SLC25A21: variants seen among roughly 807,000 people sequenced by gnomAD.
SLC25A21 encodes solute carrier family 25 member 21, also known as mitochondrial 2-oxodicarboxylate carrier.
Under a neutral mutation model 43.8 loss-of-function variants are expected in SLC25A21, and 47 were observed. The observed-to-expected ratio is 1.07, with a 90% CI of 0.85 to 1.37. The LOEUF is 1.37. Among genes scored for constraint, SLC25A21 ranks in the 40% most tolerant of loss-of-function variants. SLC25A21 has a pLI of 0.00. For synonymous variants in SLC25A21, 131 were observed against 121.3 expected, an observed-to-expected ratio of 1.08 and a Z score of -0.52; for missense variants, 352 against 350.2, an observed-to-expected ratio of 1.00 and a Z score of -0.04.
rs1257365532 is a variant in SLC25A21 at position 36,803,812 on chromosome 14, C to T, written c.203+10106G>A. Reference sequence around the variant, plus strand: ...CCCATCTGACAATTCATCCAAGGAACGTTGGTTAAATGCCTTATTTCATGT... The same window carrying T: ...CCCATCTGACAATTCATCCAAGGAATGTTGGTTAAATGCCTTATTTCATGT... On this transcript the variant is annotated intron_variant, in intron 3 of 9. Coordinates refer to ENST00000331299, the MANE Select transcript of SLC25A21 (RefSeq NM_030631.4). Among the ~76,000 whole-genome samples, 4 of 152,160 alleles carry T rather than the reference C, an allele frequency of 2.6e-5. No homozygotes were observed. In the East Asian group the frequency reaches 5.8e-4, roughly 22 times the overall value.
intron 3 of SLC25A21, among the ~76,000 whole-genome samples, chr14:36,761,497 T>C (rs57747922): frequency 1.3e-3 from 194 of 152,328 alleles, no homozygotes; most frequent in African/African-American, 4.5e-3. Flanking sequence ...TAAAAATGAT[T>C]TGCAACAATT....
At chr14:36,779,609 C>CATATATATATATATATATAT (rs35392668) in intron 3 of SLC25A21, among the ~76,000 whole-genome samples, 4 of 122,472 alleles carry the variant, frequency 3.3e-5, no homozygotes, top group Non-Finnish European at 5.2e-5. Context: ...TATGTGTATA[C>CATATATATATATATATATAT]ATATATATAT....
intron 1 of SLC25A21, among the ~76,000 whole-genome samples, chr14:37,035,343 T>C (rs749022329): frequency 4.6e-5 from 7 of 152,248 alleles, no homozygotes; most frequent in Non-Finnish European, 1.0e-4. Flanking sequence ...TTTATTATTA[T>C]CAGTTTTAAT....
At chr14:36,705,261 G>A (rs543554182) in intron 7 of SLC25A21, among the ~76,000 whole-genome samples, 5 of 151,820 alleles carry the variant, frequency 3.3e-5, no homozygotes, top group African/African-American at 1.2e-4. Flanking sequence ...TAGTCAGGAT[G>A]GTCTCAATCT....
At chr14:36,794,163 C>T (rs1461923515) in intron 3 of SLC25A21, among the ~76,000 whole-genome samples, 1 of 151,998 alleles carries the variant, frequency 6.6e-6, no homozygotes, top group Non-Finnish European at 1.5e-5. Context: ...ACCATGCAGG[C>T]AATGAACACA....
rs867491064 is a variant in SLC25A21 at position 36,983,571 on chromosome 14, C to T, written c.71-108567G>A. Among the ~76,000 whole-genome samples the T allele has an allele frequency of 3.3e-5, 5 of 152,306 alleles. No homozygotes were observed. In the Middle Eastern group the frequency reaches 0.014, roughly 414 times the overall value. On this transcript the variant is annotated intron_variant, in intron 1 of 9. Coordinates refer to ENST00000331299, the MANE Select transcript of SLC25A21 (RefSeq NM_030631.4). ...AAGTTAGTTCAACCCCTGTAGAAAACAGTATGGAGATTTCTCAAAGTACTA... is the reference window on the plus strand; with the variant it reads ...AAGTTAGTTCAACCCCTGTAGAAAATAGTATGGAGATTTCTCAAAGTACTA...
chr14:37,059,001 T>C (rs1961888455), intron 1 of SLC25A21, among the ~76,000 whole-genome samples: 1 of 152,218 alleles, frequency 6.6e-6, no homozygotes, highest in Admixed American at 6.5e-5. Flanking sequence ...GGAATCCCTT[T>C]TTCTCTGGCT....
rs145499767 is a variant in SLC25A21 at position 37,033,174 on chromosome 14, A to G, written c.70+139107T>C. Among the ~76,000 whole-genome samples, 39 of 152,262 alleles carry G rather than the reference A, an allele frequency of 2.6e-4. No homozygotes were observed. The East Asian group carries it at 3.7e-3, about 14-fold the overall frequency. On this transcript the variant is annotated intron_variant, in intron 1 of 9. Coordinates refer to ENST00000331299, the MANE Select transcript of SLC25A21 (RefSeq NM_030631.4). ...GCAACCACCATTCTACTTTGTTTCT[A>G]TGAATTTTACTACTTTAGATACCTC...
intron 1 of SLC25A21, among the ~76,000 whole-genome samples, chr14:36,974,246 A>G (rs969993190): frequency 1.3e-5 from 2 of 152,210 alleles, no homozygotes; most frequent in African/African-American, 4.8e-5. Flanking sequence ...GTTAACAGAC[A>G]TGCTCCAGCA....
intron 1 of SLC25A21, among the ~76,000 whole-genome samples, chr14:37,128,498 T>C (rs1160908915): frequency 6.6e-6 from 1 of 151,994 alleles, no homozygotes. Context: ...CCCATTATTC[T>C]GCATGTTAAG....
intron 1 of SLC25A21, among the ~76,000 whole-genome samples, chr14:36,987,970 T>C (rs1267299707): frequency 6.6e-6 from 1 of 152,186 alleles, no homozygotes; most frequent in Non-Finnish European, 1.5e-5. Flanking sequence ...TAAAGGGCTT[T>C]TGAATTATGG....
At chr14:36,715,977 G>A (rs1884114762) in intron 6 of SLC25A21, among the ~76,000 whole-genome samples, 2 of 152,096 alleles carry the variant, frequency 1.3e-5, no homozygotes, top group African/African-American at 2.4e-5. Flanking sequence ...TGTAGTCCCA[G>A]CTACTTGGGA....
intron 6 of SLC25A21, 55 bp from the exon 7 acceptor site, chr14:36,711,537 G>A: frequency 1.3e-6 from 2 of 1,539,790 alleles, no homozygotes; most frequent in Admixed American, 2.1e-5. Flanking sequence ...GTGGAATACA[G>A]TAAATTACCG....
intron 7 of SLC25A21, among the ~76,000 whole-genome samples, chr14:36,698,733 TGA>T (rs1883148541): frequency 6.6e-6 from 1 of 152,184 alleles, no homozygotes; most frequent in Non-Finnish European, 1.5e-5. Context: ...GCATGCATCA[TGA>T]AGTTCTCGTG....
At chr14:36,783,239 G>T (rs577574467) in intron 3 of SLC25A21, among the ~76,000 whole-genome samples, 339 of 151,502 alleles carry the variant, frequency 2.2e-3, no homozygotes, top group African/African-American at 7.9e-3. Context: ...AGGAATTTGT[G>T]GGGAGCCAGC....
At chr14:36,738,394 G>A (rs1265059465) in intron 3 of SLC25A21, among the ~76,000 whole-genome samples, 2 of 152,054 alleles carry the variant, frequency 1.3e-5, no homozygotes, top group Non-Finnish European at 2.9e-5. Flanking sequence ...TTGGCTTGCT[G>A]TGCAGAGCCT....
intron 6 of SLC25A21, among the ~76,000 whole-genome samples, chr14:36,724,321 G>GC (rs1485284492): frequency 6.6e-6 from 1 of 152,080 alleles, no homozygotes. Context: ...GGTGAGTAGG[G>GC]CCCCCCTCCT....
chr14:36,881,936 T>C (rs1321322165), intron 1 of SLC25A21, among the ~76,000 whole-genome samples: 2 of 152,224 alleles, frequency 1.3e-5, no homozygotes, highest in Admixed American at 1.3e-4. Context: ...ATACACAATG[T>C]TATTATACAC....
At chr14:36,973,205 C>T (rs1284429219) in intron 1 of SLC25A21, among the ~76,000 whole-genome samples, 4 of 151,810 alleles carry the variant, frequency 2.6e-5, no homozygotes, top group African/African-American at 9.7e-5. Context: ...AAAAATCTGG[C>T]AGTGTATGTA....
Sources: allele counts gnomAD v4.1 joint callset (sites outside exome capture counted in the v4.1 genomes callset), GRCh38; gene constraint gnomAD v4.1.1; transcripts MANE v1.5; gene names NCBI Gene and HGNC (gene_info 2026-07-23, HGNC 2026-07-21).